Variants in PCDH15 observed in about 807,000 individuals in gnomAD.
PCDH15 encodes protocadherin-15.
Under a neutral mutation model 178.5 loss-of-function variants are expected in PCDH15, and 129 were observed. The ratio of observed to expected loss-of-function variants is 0.72; its 90% confidence interval spans 0.63 to 0.84. The LOEUF is 0.84. PCDH15 is among the 40% of genes least tolerant of loss of function. PCDH15 has a pLI of 0.00. For missense variants in PCDH15, 2,230 were observed against 2,099.9 expected (o/e 1.06, Z -1.21); for synonymous variants, 800 against 732.0 (o/e 1.09, Z -1.50).
intron 2 of PCDH15, among the ~76,000 whole-genome samples, chr10:54,542,111 A>T (rs912655332): frequency 1.3e-5 from 2 of 152,232 alleles, no homozygotes; most frequent in East Asian, 3.8e-4. Flanking sequence ...AGATGTTAGC[A>T]TGAAATAGAT....
At chr10:55,398,614 G>A (rs1837985533) in intron 2 of PCDH15, among the ~76,000 whole-genome samples, 1 of 152,022 alleles carries the variant, frequency 6.6e-6, no homozygotes. Flanking sequence ...CAAATCAAAA[G>A]ATATAGACCC....
At chr10:54,004,188 T>G (rs2092295403) in intron 20 of PCDH15, among the ~76,000 whole-genome samples, 1 of 152,036 alleles carries the variant, frequency 6.6e-6, no homozygotes, top group Non-Finnish European at 1.5e-5. Context: ...CCATACTGAA[T>G]GAGGAAAAAC....
At chr10:53,846,843 T>C (rs2078010015) in intron 28 of PCDH15, among the ~76,000 whole-genome samples, 1 of 152,036 alleles carries the variant, frequency 6.6e-6, no homozygotes, top group Non-Finnish European at 1.5e-5. Context: ...GCAGCCATAA[T>C]CTCAATTACC....
intron 2 of PCDH15, among the ~76,000 whole-genome samples, chr10:55,071,688 C>T (rs1390539973): frequency 2.3e-4 from 35 of 152,152 alleles, no homozygotes; most frequent in Middle Eastern, 3.4e-3. Flanking sequence ...GACAGATCAA[C>T]GAGCCAGAAA....
At chr10:53,965,429 AAATGCCAAAGTTAT>A (rs2088904572) in intron 21 of PCDH15, among the ~76,000 whole-genome samples, 1 of 152,338 alleles carries the variant, frequency 6.6e-6, no homozygotes, top group East Asian at 1.9e-4. Flanking sequence ...CTTAGCTGGA[AAATGCCAAAGTTAT>A]TAATTGAACA....
At chr10:55,323,444 G>A (rs114234486), upstream of PCDH15, among the ~76,000 whole-genome samples, 791 of 152,262 alleles carry the variant, frequency 5.2e-3, 11 homozygotes, top group African/African-American at 0.018. Flanking sequence ...CTATGAAAGC[G>A]GCCTGGAGGA....
intron 7 of PCDH15, among the ~76,000 whole-genome samples, chr10:54,322,178 A>C (rs1462510615): frequency 6.6e-6 from 1 of 152,026 alleles, no homozygotes; most frequent in Non-Finnish European, 1.5e-5. Context: ...TGAGTAAATG[A>C]AATAACATTC....
intron 28 of PCDH15, among the ~76,000 whole-genome samples, chr10:53,855,899 G>GATATATATATATATATATAT (rs1324732057): frequency 1.3e-5 from 1 of 77,840 alleles, no homozygotes; most frequent in African/African-American, 7.4e-5. Context: ...AAAAAAAGGT[G>GATATATATATATATATATAT]ATATGTATAT....
At chr10:53,876,330 G>T (rs1034299199) in intron 26 of PCDH15, among the ~76,000 whole-genome samples, 1 of 151,836 alleles carries the variant, frequency 6.6e-6, no homozygotes, top group African/African-American at 2.4e-5. Flanking sequence ...TGGGACTACG[G>T]GCACCCACCA....
At chr10:55,348,882 G>A (rs893789726) in intron 2 of PCDH15, among the ~76,000 whole-genome samples, 1 of 152,092 alleles carries the variant, frequency 6.6e-6, no homozygotes, top group African/African-American at 2.4e-5. Flanking sequence ...TGAAATAAGA[G>A]AGAAAGCCAT....
chr10:54,810,631 A>G (rs1477390800), intron 3 of PCDH15, among the ~76,000 whole-genome samples: 1 of 152,124 alleles, frequency 6.6e-6, no homozygotes, highest in Non-Finnish European at 1.5e-5. Flanking sequence ...TCTGTATTTC[A>G]TTTTAAAACA....
intron 21 of PCDH15, among the ~76,000 whole-genome samples, chr10:53,967,223 C>G (rs887885823): frequency 6.6e-6 from 1 of 152,112 alleles, no homozygotes. Flanking sequence ...CTTGGCACTC[C>G]TCCTTGCTGC....
chr10:55,124,683 G>A (rs1837853401), intron 2 of PCDH15, among the ~76,000 whole-genome samples: 1 of 151,924 alleles, frequency 6.6e-6, no homozygotes, highest in South Asian at 2.1e-4. Flanking sequence ...TAAATGGCTG[G>A]ACCTTGAATA....
intron 2 of PCDH15, among the ~76,000 whole-genome samples, chr10:55,610,024 A>T (rs371965941): frequency 1.3e-5 from 2 of 152,200 alleles, no homozygotes; most frequent in East Asian, 3.9e-4. Context: ...AACCTTGTGG[A>T]TTTTATACTG....
intron 2 of PCDH15, among the ~76,000 whole-genome samples, chr10:55,450,779 A>C (rs1839417390): frequency 6.6e-6 from 1 of 151,914 alleles, no homozygotes; most frequent in Admixed American, 6.6e-5. Flanking sequence ...AGCTCACATC[A>C]ATGCTATTGA....
At chr10:54,615,285 ATTC>A (rs1187480032) in intron 2 of PCDH15, among the ~76,000 whole-genome samples, 1 of 152,086 alleles carries the variant, frequency 6.6e-6, no homozygotes, top group Admixed American at 6.6e-5. Context: ...GTTGGGCATA[ATTC>A]TTCTTTACCA....
chr10:55,185,793 G>C (rs1334251384), intron 1 of PCDH15, among the ~76,000 whole-genome samples: 2 of 151,592 alleles, frequency 1.3e-5, no homozygotes, highest in Non-Finnish European at 3.0e-5. Flanking sequence ...AATATATATT[G>C]AGTTTTGTTA....
At chr10:54,862,210 T>A (rs1303293067) in intron 3 of PCDH15, among the ~76,000 whole-genome samples, 1 of 152,150 alleles carries the variant, frequency 6.6e-6, no homozygotes, top group African/African-American at 2.4e-5. Context: ...ACAAATTCAG[T>A]AAAAATGCAA....
intron 2 of PCDH15, among the ~76,000 whole-genome samples, chr10:55,033,852 G>T (rs1227361285): frequency 6.6e-6 from 1 of 152,126 alleles, no homozygotes; most frequent in East Asian, 1.9e-4. Flanking sequence ...ATAGTATTAA[G>T]GGGTAAGGCC....
Sources: allele counts gnomAD v4.1 joint callset (sites outside exome capture counted in the v4.1 genomes callset), GRCh38; gene constraint gnomAD v4.1.1; transcripts MANE v1.5; gene names NCBI Gene and HGNC (gene_info 2026-07-23, HGNC 2026-07-21).